Variants in SORCS2 observed in about 807,000 individuals in gnomAD.
SORCS2 encodes the protein sortilin related VPS10 domain containing receptor 2.
A neutral mutation model predicts 141.6 loss-of-function variants in SORCS2; 100 were observed. That is an observed-to-expected ratio of 0.71 (90% CI 0.60 to 0.83). The LOEUF is 0.83. Among genes scored for constraint, SORCS2 ranks in the 40% least tolerant of loss-of-function variants. The pLI is 0.00. For missense variants in SORCS2, 1,646 were observed against 1,560.2 expected (o/e 1.05, Z -0.93); for synonymous variants, 789 against 676.9 (o/e 1.17, Z -2.57).
chr4:7,521,217 G>C (rs548882648), intron 2 of SORCS2, among the ~76,000 whole-genome samples: 1 of 152,182 alleles, frequency 6.6e-6, no homozygotes, highest in African/African-American at 2.4e-5. Flanking sequence ...AACAGCTTTC[G>C]TGCTGAAGGG....
At chr4:7,447,833 G>A (rs775123943) in intron 2 of SORCS2, among the ~76,000 whole-genome samples, 1 of 152,218 alleles carries the variant, frequency 6.6e-6, no homozygotes, top group African/African-American at 2.4e-5. Context: ...ACAGATGGGA[G>A]CATTCTGCAT....
chr4:7,434,651 C>T (rs1437327344), intron 2 of SORCS2: 13 of 1,613,254 alleles, frequency 8.1e-6, no homozygotes, highest in Non-Finnish European at 1.1e-5. Context: ...GGGTTCAGCC[C>T]ATTGCCAGCG....
In SORCS2 at chr4:7,715,484, G is replaced by A. The variant is rs571233798; in HGVS notation, c.2252+173G>A. Among the ~76,000 whole-genome samples, 655 of 152,296 alleles carry A rather than the reference G, an allele frequency of 4.3e-3. 5 individuals carry two copies. Among genetic ancestry groups the A allele is most frequent in the Non-Finnish European group, 5.4e-3 (366 of 68,020 alleles). On this transcript the variant is annotated intron_variant, in intron 17 of 26. Coordinates refer to ENST00000507866, the MANE Select transcript of SORCS2 (RefSeq NM_020777.3). Reference sequence around the variant, plus strand: ...CGCTCACAGCACAGAGCCTGGCTGCGGTGCTCATATGAGTCACCAGACATC... The same window carrying A: ...CGCTCACAGCACAGAGCCTGGCTGCAGTGCTCATATGAGTCACCAGACATC...
intron 2 of SORCS2, among the ~76,000 whole-genome samples, chr4:7,438,362 A>G (rs1238755447): frequency 6.6e-6 from 1 of 152,232 alleles, no homozygotes; most frequent in African/African-American, 2.4e-5. Flanking sequence ...TTGATTTATC[A>G]GCATGTGTGA....
In SORCS2 at chr4:7,723,861, G is replaced by A. The variant is rs375697375; in HGVS notation, c.2589G>A (p.Ala863=). The change falls in exon 19 of 27, where the codon GCG becomes GCA. Residue 863 remains alanine, a synonymous_variant. Coordinates refer to ENST00000507866, the MANE Select transcript of SORCS2 (RefSeq NM_020777.3). ...AGAACACGGCAGGCCACGATGAGGC[G>A]GTGCTCTTTGTCCAGGTCAACTGTA... ...RAENTAGHDE[A]VLFVQVNSPL... 1.1e-4 allele frequency: 175 copies of A among 1,608,938 alleles called. No individual in the cohort carries two copies. The African/African-American group carries it at 1.5e-3, about 14-fold the overall frequency.
chr4:7,193,200 C>T lies in SORCS2; in HGVS notation c.480+74C>T. The T allele has an allele frequency of 7.3e-7, 1 of 1,376,212 alleles. No individual in the cohort carries two copies. The highest frequency in any genetic ancestry group is 1.7e-5 in the South Asian group (1 of 59,654). 85.3% of individuals were successfully genotyped at this position (1,376,212 alleles called of 1,614,324 possible). On this transcript the variant is annotated intron_variant, in intron 1 of 26. Coordinates refer to ENST00000507866, the MANE Select transcript of SORCS2 (RefSeq NM_020777.3). This position sits in a 1 kb window ranked among gnomAD's most constrained non-coding sequence, Gnocchi z 4.8. ...GGACACCCGGGCGGGACCGCCACGG[C>T]CCCCACCCCAGATCCCCACTATGGT...
chr4:7,705,749 C>T (rs573093628), intron 14 of SORCS2, among the ~76,000 whole-genome samples: 1 of 152,368 alleles, frequency 6.6e-6, no homozygotes, highest in East Asian at 1.9e-4. Flanking sequence ...GGCAATGGGC[C>T]TTCACACCCT....
chr4:7,424,228 G>A lies in SORCS2; in HGVS notation c.548+27873G>A, dbSNP rs145885020. On this transcript the variant is annotated intron_variant, in intron 2 of 26. Transcript: ENST00000507866. ...TCATTAGCTGTGTGACTCTGGGCAA[G>A]CTCTAAGCTCCCTCTGAGCCTCTGG... 1.2e-3 allele frequency among the ~76,000 whole-genome samples: 186 copies of A among 152,344 alleles called. 3 individuals carry two copies. The highest frequency in any genetic ancestry group is 4.4e-3 in the African/African-American group (181 of 41,582).
At chr4:7,328,003 G>C (rs1314906965) in intron 1 of SORCS2, among the ~76,000 whole-genome samples, 2 of 148,882 alleles carry the variant, frequency 1.3e-5, no homozygotes, top group African/African-American at 5.0e-5. Context: ...ACTGTGTGCT[G>C]AGCCTCGTGC....
intron 2 of SORCS2, among the ~76,000 whole-genome samples, chr4:7,484,200 G>T (rs78810810): frequency 6.6e-6 from 1 of 152,160 alleles, no homozygotes; most frequent in Non-Finnish European, 1.5e-5. Flanking sequence ...CACAGCTCGC[G>T]TCCCTGCGCC....
At chr4:7,276,690 C>T (rs563973621) in intron 1 of SORCS2, among the ~76,000 whole-genome samples, 16 of 152,268 alleles carry the variant, frequency 1.1e-4, no homozygotes, top group African/African-American at 2.6e-4. Flanking sequence ...CCAGCCCTTC[C>T]GGACTTCCAG....
chr4:7,388,205 C>G (rs1451064565), intron 1 of SORCS2, among the ~76,000 whole-genome samples: 2 of 152,234 alleles, frequency 1.3e-5, no homozygotes, highest in Non-Finnish European at 2.9e-5. Flanking sequence ...GAAGTCGGCT[C>G]CGTGTTGGCC....
chr4:7,582,199 G>C (rs926889909), intron 3 of SORCS2, among the ~76,000 whole-genome samples: 6 of 152,174 alleles, frequency 3.9e-5, no homozygotes, highest in Admixed American at 3.9e-4. Context: ...CAATTTTACA[G>C]ATGCTGAAAC....
At chr4:7,728,494 C>T (rs1375287548) in intron 22 of SORCS2, 32 bp downstream of exon 22, 2 of 1,521,468 alleles carry the variant, frequency 1.3e-6, no homozygotes, top group East Asian at 2.4e-5. Context: ...CCTCCCCAGC[C>T]CCACGGTGCT....
chr4:7,502,571 C>T (rs780827439), intron 2 of SORCS2, among the ~76,000 whole-genome samples: 1 of 152,218 alleles, frequency 6.6e-6, no homozygotes, highest in South Asian at 2.1e-4. Flanking sequence ...TGTTGCTCCT[C>T]CTCTTGATGT....
chr4:7,599,307 G>A (rs12504577), intron 3 of SORCS2, among the ~76,000 whole-genome samples: 1 of 152,066 alleles, frequency 6.6e-6, no homozygotes, highest in Admixed American at 6.5e-5. Flanking sequence ...CCTAGAGCAC[G>A]GGTGAGGACT....
At chr4:7,668,446 C>T (rs554425638) in intron 8 of SORCS2, among the ~76,000 whole-genome samples, 5 of 152,164 alleles carry the variant, frequency 3.3e-5, no homozygotes, top group South Asian at 2.1e-4. Flanking sequence ...GCAGAGCAGG[C>T]GCTAAGACCC....
At chr4:7,421,768 G>A (rs1239106983) in intron 2 of SORCS2, among the ~76,000 whole-genome samples, 2 of 152,020 alleles carry the variant, frequency 1.3e-5, no homozygotes, top group African/African-American at 2.4e-5. Context: ...TGGTCTCCCT[G>A]TTCCTGCTTT....
At chr4:7,649,080 G>A (rs1320636156) in intron 4 of SORCS2, among the ~76,000 whole-genome samples, 5 of 152,194 alleles carry the variant, frequency 3.3e-5, no homozygotes, top group African/African-American at 1.2e-4. Flanking sequence ...CACAGACAGG[G>A]CTCTAACCCT....
Sources: allele counts gnomAD v4.1 joint callset (sites outside exome capture counted in the v4.1 genomes callset), GRCh38; gene constraint gnomAD v4.1.1; non-coding constraint Gnocchi (gnomAD v3.1); transcripts MANE v1.5; gene names NCBI Gene and HGNC (gene_info 2026-07-23, HGNC 2026-07-21).